ZRANB3: variants seen among roughly 807,000 people sequenced by gnomAD.
ZRANB3 encodes DNA annealing helicase and endonuclease ZRANB3.
A neutral mutation model predicts 133.8 loss-of-function variants in ZRANB3; 125 were observed. The ratio of observed to expected loss-of-function variants is 0.93; its 90% CI spans 0.81 to 1.08. The LOEUF is 1.08. Ranked by LOEUF, ZRANB3 falls within the 50% of genes least tolerant of loss-of-function variation. ZRANB3 has a pLI of 0.00. For synonymous variants in ZRANB3, 387 were observed against 432.7 expected, an observed-to-expected ratio of 0.89 and a Z score of 1.31; for missense variants, 1,229 against 1,275.5, an observed-to-expected ratio of 0.96 and a Z score of 0.56.
At chr2:135,373,694 A>G (rs1016000295) in intron 3 of ZRANB3, among the ~76,000 whole-genome samples, 1 of 151,648 alleles carries the variant, frequency 6.6e-6, no homozygotes, top group Non-Finnish European at 1.5e-5. Context: ...AGGCTGAGGC[A>G]TAAGAATCGC....
At chr2:135,364,649 T>A (rs1033348236) in intron 3 of ZRANB3, among the ~76,000 whole-genome samples, 2 of 151,010 alleles carry the variant, frequency 1.3e-5, no homozygotes, top group African/African-American at 2.4e-5. Flanking sequence ...CTCAGGGGGG[T>A]TGAGGCAGGA....
At chr2:135,520,273 G>A (rs932405472) in intron 1 of ZRANB3, among the ~76,000 whole-genome samples, 2 of 151,906 alleles carry the variant, frequency 1.3e-5, no homozygotes, top group African/African-American at 4.8e-5. Flanking sequence ...TGCCTTGCCT[G>A]TAATCACAGC....
chr2:135,230,214 C>T (rs1018028873), intron 13 of ZRANB3, among the ~76,000 whole-genome samples: 5 of 152,212 alleles, frequency 3.3e-5, no homozygotes, highest in African/African-American at 1.2e-4. Flanking sequence ...AGCAACAGAG[C>T]TTCTATTCCT....
At chr2:135,404,777 A>G (rs912658427) in intron 2 of ZRANB3, among the ~76,000 whole-genome samples, 2 of 152,222 alleles carry the variant, frequency 1.3e-5, no homozygotes, top group African/African-American at 4.8e-5. Context: ...TACAAGCCAG[A>G]AGAGAGTGGG....
chr2:135,211,278 T>C (rs1694087307), intron 17 of ZRANB3, among the ~76,000 whole-genome samples: 1 of 152,100 alleles, frequency 6.6e-6, no homozygotes, highest in Non-Finnish European at 1.5e-5. Context: ...CGGTGGCTCA[T>C]GCATGTAATC....
intron 2 of ZRANB3, among the ~76,000 whole-genome samples, chr2:135,456,259 T>C (rs1690515052): frequency 6.6e-6 from 1 of 152,194 alleles, no homozygotes; most frequent in South Asian, 2.1e-4. Context: ...CTCCATGTGG[T>C]AACAGGAATC....
chr2:135,249,683 G>A (rs1679285697), intron 12 of ZRANB3, among the ~76,000 whole-genome samples: 1 of 152,180 alleles, frequency 6.6e-6, no homozygotes, highest in Non-Finnish European at 1.5e-5. Flanking sequence ...TAAGTCTCAT[G>A]AGATCTGATG....
At chr2:135,424,064 A>G (rs958493623) in intron 2 of ZRANB3, among the ~76,000 whole-genome samples, 1 of 152,230 alleles carries the variant, frequency 6.6e-6, no homozygotes, top group Non-Finnish European at 1.5e-5. Context: ...ACTCTGTTTA[A>G]AAAAGCAAGT....
intron 2 of ZRANB3, among the ~76,000 whole-genome samples, chr2:135,478,866 T>G (rs1691624625): frequency 6.6e-6 from 1 of 151,844 alleles, no homozygotes; most frequent in Non-Finnish European, 1.5e-5. Context: ...TAATACATGT[T>G]TATGTATACC....
intron 8 of ZRANB3, among the ~76,000 whole-genome samples, chr2:135,292,059 T>G: frequency 6.6e-6 from 1 of 152,230 alleles, no homozygotes; most frequent in East Asian, 1.9e-4. Context: ...TAAATGTACG[T>G]GTGCATGTGT....
intron 3 of ZRANB3, among the ~76,000 whole-genome samples, chr2:135,358,452 TG>T (rs1350787412): frequency 1.3e-5 from 2 of 152,172 alleles, no homozygotes; most frequent in South Asian, 4.1e-4. Flanking sequence ...TTTAGGCAGC[TG>T]AAAAGGAAAA....
chr2:135,326,634 G>T (rs1402418906), intron 6 of ZRANB3, among the ~76,000 whole-genome samples: 1 of 152,006 alleles, frequency 6.6e-6, no homozygotes, highest in Non-Finnish European at 1.5e-5. Flanking sequence ...AGGCATGGTG[G>T]ATCATGCCTG....
chr2:135,324,796 T>G (rs1043673003), intron 6 of ZRANB3, among the ~76,000 whole-genome samples: 9 of 152,152 alleles, frequency 5.9e-5, no homozygotes, highest in Admixed American at 3.3e-4. Context: ...AGATGGTATC[T>G]CATTGTGGTT....
At chr2:135,505,912 G>C (rs1693161137) in intron 1 of ZRANB3, among the ~76,000 whole-genome samples, 1 of 152,188 alleles carries the variant, frequency 6.6e-6, no homozygotes, top group Non-Finnish European at 1.5e-5. Flanking sequence ...ATTTAAGAGA[G>C]TACTGGTCAC....
intron 2 of ZRANB3, among the ~76,000 whole-genome samples, chr2:135,418,925 CTTTT>C (rs769271961): frequency 7.0e-5 from 6 of 85,898 alleles, no homozygotes; most frequent in African/African-American, 2.7e-4. Context: ...AGGATTCTCT[CTTTT>C]TTTTTTTTTT....
chr2:135,479,671 A>C (rs1273902836), intron 2 of ZRANB3, among the ~76,000 whole-genome samples: 1 of 152,062 alleles, frequency 6.6e-6, no homozygotes, highest in African/African-American at 2.4e-5. Flanking sequence ...CTCAAAAAAA[A>C]ACAAAAAAGG....
Position 135,197,834 on chromosome 2 carries a change from TTTC to T in ZRANB3, c.*2505_*2507del, listed in dbSNP as rs1466276706. ...TCTGTTCCCTGGACCCAGAGCCTTT[TTTC>T]TTTTTTGAGATGGGGCCTTGCTGTG... On this transcript the variant is annotated 3_prime_UTR_variant, in exon 21 of 21. Coordinates refer to ENST00000264159, the MANE Select transcript of ZRANB3 (RefSeq NM_032143.4). 1 of 152,472 alleles carries T rather than the reference TTTC, an allele frequency of 6.6e-6. No individual in the cohort carries two copies. The highest frequency in any genetic ancestry group is 2.4e-5 in the African/African-American group (1 of 41,470). The allele number at this position is 152,472 out of a possible 1,614,324, so 9.4% of individuals were successfully genotyped here.
At position 135,351,631 on chromosome 2, in the gene ZRANB3, A is replaced by G. The variant is rs565402786; in HGVS notation, c.360-1416T>C. 5.3e-5 allele frequency among the ~76,000 whole-genome samples: 8 copies of G among 152,226 alleles called. 1 individual carries two copies. Among genetic ancestry groups the G allele is most frequent in the Non-Finnish European group, 1.0e-4 (7 of 68,040 alleles). On this transcript the variant is annotated intron_variant, in intron 4 of 20. Transcript: ENST00000264159. Reference sequence around the variant, plus strand: ...TTTAATATTACTAACTAACTTAGGTATACTGAGAGCAACATATAGGAGACT... The same window carrying G: ...TTTAATATTACTAACTAACTTAGGTGTACTGAGAGCAACATATAGGAGACT...
At chr2:135,347,462 T>C (rs1171950374) in intron 5 of ZRANB3, among the ~76,000 whole-genome samples, 2 of 152,072 alleles carry the variant, frequency 1.3e-5, no homozygotes, top group Non-Finnish European at 2.9e-5. Flanking sequence ...CCGGCTAATT[T>C]TTTTGTATTT....
Sources: allele counts gnomAD v4.1 joint callset (sites outside exome capture counted in the v4.1 genomes callset), GRCh38; gene constraint gnomAD v4.1.1; transcripts MANE v1.5; gene names NCBI Gene and HGNC (gene_info 2026-07-23, HGNC 2026-07-21).